The following SLF1 variants were observed in gnomAD, a reference collection of about 807,000 sequenced individuals.
The protein encoded by SLF1 is SMC5/6 complex localization factor 1.
Under a neutral mutation model 123.0 loss-of-function variants are expected in SLF1, and 105 were observed. That is an observed-to-expected ratio of 0.85 (90% confidence interval 0.73 to 1.00). The LOEUF is 1.00. SLF1 is among the 50% of genes least tolerant of loss of function. The pLI is 0.00. For synonymous variants in SLF1, 434 were observed against 406.6 expected (o/e 1.07, Z -0.81); for missense variants, 1,239 against 1,223.0 (o/e 1.01, Z -0.20).
In SLF1 at chr5:94,658,402, A is replaced by G. The variant is rs1052207823; in HGVS notation, c.1155+3650A>G. ...TTTTTGAAGGATAGGTTTTCTGGGT[A>G]TAATATTCTTGCCTGTTGAGTTGGG... On this transcript the variant is annotated intron_variant, in intron 9 of 20. Coordinates refer to ENST00000265140, the MANE Select transcript of SLF1 (RefSeq NM_032290.4). Among the ~76,000 whole-genome samples the G allele has an allele frequency of 8.6e-5, 13 of 151,168 alleles. No individual in the cohort carries two copies. The East Asian group carries it at 1.8e-3, about 20-fold the overall frequency.
chr5:94,664,795 C>T (rs1749552103), intron 11 of SLF1, among the ~76,000 whole-genome samples: 1 of 152,154 alleles, frequency 6.6e-6, no homozygotes, highest in Non-Finnish European at 1.5e-5. Flanking sequence ...TAGATAGAGT[C>T]ATCCCTTGCT....
chr5:94,671,859 AT>A (rs1335392310), intron 14 of SLF1, among the ~76,000 whole-genome samples: 4 of 151,614 alleles, frequency 2.6e-5, no homozygotes, highest in African/African-American at 9.7e-5. Context: ...TCCAAGAGAT[AT>A]TTTTAAAAGA....
At chr5:94,635,007 A>G (rs997114019) in intron 4 of SLF1, among the ~76,000 whole-genome samples, 1 of 152,072 alleles carries the variant, frequency 6.6e-6, no homozygotes, top group Non-Finnish European at 1.5e-5. Flanking sequence ...ATTCTCTTAA[A>G]TGTTTCCTTT....
At chr5:94,668,995 G>C (rs775697843) in intron 12 of SLF1, among the ~76,000 whole-genome samples, 1 of 152,076 alleles carries the variant, frequency 6.6e-6, no homozygotes, top group Non-Finnish European at 1.5e-5. Context: ...ACTTAATAAA[G>C]GTTTGGATGA....
intron 1 of SLF1, among the ~76,000 whole-genome samples, chr5:94,620,438 C>G (rs1449205916): frequency 6.6e-6 from 1 of 152,158 alleles, no homozygotes; most frequent in Non-Finnish European, 1.5e-5. Flanking sequence ...AATCAAAATT[C>G]AGAACTGAAG....
At chr5:94,656,751 C>T (rs1377074824) in intron 9 of SLF1, among the ~76,000 whole-genome samples, 4 of 151,668 alleles carry the variant, frequency 2.6e-5, no homozygotes, top group Admixed American at 6.6e-5. Flanking sequence ...CCTAAGTTTT[C>T]TGATTCGTTG....
At chr5:94,618,588 G>A (rs953764977), upstream of SLF1, 2 of 154,406 alleles carry the variant, frequency 1.3e-5, no homozygotes, top group Non-Finnish European at 2.9e-5. Context: ...CCCTGGCGAC[G>A]GCTCCGGAGC....
At position 94,632,203 on chromosome 5, in the gene SLF1, C is replaced by T. The variant is rs567210244; in HGVS notation, c.431+1460C>T. Among the ~76,000 whole-genome samples the T allele has an allele frequency of 2.0e-5, 3 of 152,152 alleles. No individual in the cohort carries two copies. The South Asian group carries it at 6.2e-4, about 32-fold the overall frequency. On this transcript the variant is annotated intron_variant, in intron 4 of 20. Coordinates refer to ENST00000265140, the MANE Select transcript of SLF1 (RefSeq NM_032290.4). ...GCACTGTTAACGAAAATCAATTGAC[C>T]ATGTATGTGTGGTCTATTTCTGGAC... is the stretch of plus-strand genomic sequence containing the variant.
chr5:94,675,801 C>G (rs939554762), intron 14 of SLF1, among the ~76,000 whole-genome samples: 1 of 151,210 alleles, frequency 6.6e-6, no homozygotes, highest in Non-Finnish European at 1.5e-5. Context: ...ACATTAATAT[C>G]AAGGTAAATT....
At position 94,678,904 on chromosome 5, in the gene SLF1, A is replaced by G. The variant is rs1241802248; in HGVS notation, c.1924A>G (p.Met642Val). The G allele has an allele frequency of 1.9e-6, 3 of 1,613,772 alleles. No homozygotes were observed. Among genetic ancestry groups the G allele is most frequent in the East Asian group, 2.2e-5 (1 of 44,794 alleles). The change falls in exon 15 of 21, where the codon ATG (methionine) becomes GTG (valine). Residue 642 changes from methionine to valine, a missense_variant. Physicochemically the swap from Met to Val is conservative, Grantham distance 21 (BLOSUM62 1). Transcript: ENST00000265140. ...TGGTCTTAAGATGGGTAGAAATGTG[A>G]TGCGACACATGTCTGATGACTTAGG... is the stretch of plus-strand genomic sequence containing the variant. ...FLGLKMGRNVMRHMSDDLGSY... is the reference protein window; with the variant it reads ...FLGLKMGRNVVRHMSDDLGSY...
chr5:94,679,306 A>G (rs1006627), intron 15 of SLF1, among the ~76,000 whole-genome samples: 22,563 of 152,066 alleles, frequency 0.15, 1,871 homozygotes, highest in East Asian at 0.32. Flanking sequence ...AAATATAATT[A>G]TTTTACCTGG....
intron 5 of SLF1, among the ~76,000 whole-genome samples, chr5:94,648,567 C>T (rs1384756659): frequency 6.6e-6 from 1 of 152,166 alleles, no homozygotes; most frequent in Admixed American, 6.5e-5. Context: ...CTGCAGCCTC[C>T]GCCTCCCAAG....
rs757660998 is a variant in SLF1 at position 94,691,524 on chromosome 5, C to A, written c.2420-40C>A. On this transcript the variant is annotated intron_variant, in intron 18 of 20. Transcript: ENST00000265140. ...TTTGATTATTTTTTTTAGTTGATAT[C>A]TTGTCTTCTCTGGAATAATCTATTA... is the stretch of plus-strand genomic sequence containing the variant. The A allele has an allele frequency of 1.2e-5, 18 of 1,526,964 alleles. 1 individual carries two copies. The South Asian group carries it at 2.1e-4, about 18-fold the overall frequency. The allele number at this position is 1,526,964 out of a possible 1,614,324, so 94.6% of individuals were successfully genotyped here. A position where few individuals can be genotyped will look rare whatever the true frequency, so the allele number is the denominator to read the frequency against.
At chr5:94,656,404 A>C (rs559765921) in intron 9 of SLF1, among the ~76,000 whole-genome samples, 2 of 151,722 alleles carry the variant, frequency 1.3e-5, no homozygotes, top group South Asian at 4.2e-4. Flanking sequence ...GCATTTTGTT[A>C]AGGATTTTTG....
intron 4 of SLF1, among the ~76,000 whole-genome samples, chr5:94,634,971 TCTC>T (rs1036056499): frequency 4.6e-5 from 7 of 152,198 alleles, no homozygotes; most frequent in African/African-American, 1.7e-4. Context: ...GAAAATATTA[TCTC>T]CTATTCCACA....
chr5:94,621,883 T>TACACAC (rs145332421), intron 1 of SLF1, among the ~76,000 whole-genome samples: 6 of 150,286 alleles, frequency 4.0e-5, no homozygotes, highest in Non-Finnish European at 7.4e-5. Flanking sequence ...TTAATATTTA[T>TACACAC]ACACACACAC....
intron 4 of SLF1, among the ~76,000 whole-genome samples, chr5:94,638,340 GC>G: frequency 6.6e-6 from 1 of 152,064 alleles, no homozygotes; most frequent in Non-Finnish European, 1.5e-5. Context: ...CACCACGCCA[GC>G]TAATTTTTTT....
In SLF1 at chr5:94,688,552, C is replaced by T. The variant is rs143942635; in HGVS notation, c.2168C>T (p.Ser723Phe). The change falls in exon 17 of 21, where the codon TCT (serine) becomes TTT (phenylalanine). Residue 723 changes from serine (S) to phenylalanine (F), a missense_variant. By Grantham distance (155) the Ser-to-Phe change is radical. Transcript: ENST00000265140. ...TTGGGGAAAACTGGTGTGCTTGGGT[C>T]TGGAAAGATTCAGGTGTCAAAGAAA... ...PALGKTGVLG[S>F]GKIQVSKKIG... The T allele has an allele frequency of 1.2e-6, 2 of 1,613,878 alleles. No individual in the cohort carries two copies. Among genetic ancestry groups the T allele is most frequent in the Admixed American group, 1.7e-5 (1 of 59,990 alleles).
intron 14 of SLF1, among the ~76,000 whole-genome samples, chr5:94,675,627 G>A (rs1053383934): frequency 6.6e-6 from 1 of 152,094 alleles, no homozygotes; most frequent in African/African-American, 2.4e-5. Flanking sequence ...AACCTGAGTT[G>A]AAAGTGTCTT....
Sources: gnomAD v4.1 joint callset for allele counts (sites outside exome capture counted in the v4.1 genomes callset) on GRCh38, gnomAD v4.1.1 for gene constraint, MANE v1.5 for transcripts, NCBI Gene and HGNC (gene_info 2026-07-23, HGNC 2026-07-21) for gene names.